CRYZL1: variants seen among roughly 807,000 people sequenced by gnomAD.
CRYZL1 encodes the protein ferry endosomal RAB5 effector complex subunit 4.
A neutral mutation model predicts 50.6 loss-of-function variants in CRYZL1; 34 were observed. That is an observed-to-expected ratio of 0.67 (90% CI 0.51 to 0.89). CRYZL1 has a LOEUF of 0.89. Among genes scored for constraint, CRYZL1 ranks in the 40% least tolerant of loss-of-function variants. The pLI, the probability that CRYZL1 is intolerant of heterozygous loss-of-function variation, is 0.00. For synonymous variants in CRYZL1, 125 were observed against 134.3 expected, an observed-to-expected ratio of 0.93 and a Z score of 0.48; for missense variants, 354 against 402.3, an observed-to-expected ratio of 0.88 and a Z score of 1.03.
intron 6 of CRYZL1, among the ~76,000 whole-genome samples, chr21:33,603,798 T>G (rs2086781327): frequency 6.6e-6 from 1 of 152,240 alleles, no homozygotes; most frequent in South Asian, 2.1e-4. Flanking sequence ...TATAGCTGGA[T>G]GAATAAATAT....
In CRYZL1 at chr21:33,597,264, T is replaced by A; in HGVS notation, c.798+16A>T. The A allele has an allele frequency of 1.2e-6, 2 of 1,612,684 alleles. No individual in the cohort carries two copies. Among genetic ancestry groups the A allele is most frequent in the Non-Finnish European group, 1.7e-6 (2 of 1,179,164 alleles). On this transcript the variant is annotated intron_variant, in intron 10 of 12. Transcript: ENST00000381554. The stretch of plus-strand genomic sequence containing the variant: ...CCTTTGGTGTAATGGTAACGCTTTA[T>A]GGTTTCTGATAGTACCTGAAGGTTT...
At chr21:33,593,755 T>C (rs542882451) in intron 11 of CRYZL1, among the ~76,000 whole-genome samples, 120 of 151,996 alleles carry the variant, frequency 7.9e-4, no homozygotes, top group African/African-American at 2.7e-3. Flanking sequence ...GGCTGAGGCG[T>C]GTGGATCACC....
chr21:33,593,554 C>T (rs1569080662), intron 11 of CRYZL1, among the ~76,000 whole-genome samples: 1 of 152,200 alleles, frequency 6.6e-6, no homozygotes. Flanking sequence ...TTCATATACA[C>T]ATGTCATGTT....
At chr21:33,595,561 C>T (rs984520414) in intron 11 of CRYZL1, 170 bp downstream of exon 11, 2 of 1,303,110 alleles carry the variant, frequency 1.5e-6, no homozygotes, top group Admixed American at 4.0e-5. Flanking sequence ...GTACTTACAT[C>T]TCAAAAGGCT....
At chr21:33,627,739 GTTTTTT>G (rs35217060) in intron 2 of CRYZL1, among the ~76,000 whole-genome samples, 2 of 84,362 alleles carry the variant, frequency 2.4e-5, no homozygotes, top group Non-Finnish European at 4.4e-5. Flanking sequence ...ATGAGACATG[GTTTTTT>G]TTTTTTTTTT....
intron 5 of CRYZL1, among the ~76,000 whole-genome samples, chr21:33,615,610 T>C (rs541562915): frequency 2.4e-4 from 36 of 152,314 alleles, no homozygotes; most frequent in South Asian, 8.3e-4. Context: ...TCATAGCCTA[T>C]GTTTGTGTGA....
chr21:33,600,928 A>AT (rs34485860), intron 8 of CRYZL1, among the ~76,000 whole-genome samples: 125,526 of 125,652 alleles, frequency 1, 62,700 homozygotes, highest in Middle Eastern at 1. Context: ...TGCCCGGTCC[A>AT]TAAAGTTTTT....
At chr21:33,631,353 G>A (rs1207213312) in intron 2 of CRYZL1, 133 bp downstream of exon 2, 1 of 525,038 alleles carries the variant, frequency 1.9e-6, no homozygotes, top group Non-Finnish European at 3.2e-6. Flanking sequence ...TTAAAGGAAA[G>A]TACTGTAATT....
chr21:33,595,668 T>C (rs1601325486), intron 11 of CRYZL1, 63 bp downstream of exon 11: 1 of 1,602,042 alleles, frequency 6.2e-7, no homozygotes, highest in East Asian at 2.2e-5. Context: ...ATTATCGTAA[T>C]GAAAGAACTT....
At chr21:33,603,977 G>C (rs546561432) in intron 6 of CRYZL1, among the ~76,000 whole-genome samples, 1 of 152,170 alleles carries the variant, frequency 6.6e-6, no homozygotes, top group African/African-American at 2.4e-5. Flanking sequence ...TCCTGGCCTG[G>C]CGTGGTGGCT....
chr21:33,617,024 ATT>A, intron 4 of CRYZL1: 1 of 199,820 alleles, frequency 5.0e-6, no homozygotes, highest in Non-Finnish European at 1.0e-5. Context: ...GACTTTATTC[ATT>A]TTTTTTTTGA....
At chr21:33,621,342 T>G (rs1437496080) in intron 4 of CRYZL1, among the ~76,000 whole-genome samples, 1 of 151,262 alleles carries the variant, frequency 6.6e-6, no homozygotes, top group Non-Finnish European at 1.5e-5. Flanking sequence ...TTTTTTCAAA[T>G]TAATAGATTT....
At position 33,595,511 on chromosome 21, in the gene CRYZL1, G is replaced by A. The variant is rs1287017075; in HGVS notation, c.904+220C>T. 12 of 1,283,064 alleles carry A rather than the reference G, an allele frequency of 9.4e-6. No individual in the cohort carries two copies. The South Asian group carries it at 1.5e-4, about 16-fold the overall frequency. The allele number at this position is 1,283,064 out of a possible 1,614,324, so 79.5% of individuals were successfully genotyped here. ...TCCTTGAGTCTGTATCAACATCTCTGTGCTTCTGTTTCTTCACCTGTGAAA... is the reference window on the plus strand; with the variant it reads ...TCCTTGAGTCTGTATCAACATCTCTATGCTTCTGTTTCTTCACCTGTGAAA... On this transcript the variant is annotated intron_variant, in intron 11 of 12. Transcript: ENST00000381554.
intron 1 of CRYZL1, among the ~76,000 whole-genome samples, chr21:33,635,601 G>A (rs2087197231): frequency 6.6e-6 from 1 of 151,504 alleles, no homozygotes; most frequent in Admixed American, 6.6e-5. Flanking sequence ...TGATCCGCCT[G>A]CCTCGGCCTC....
At chr21:33,631,586 A>G in intron 1 of CRYZL1, 29 bp from the exon 2 acceptor site, 1 of 1,358,430 alleles carries the variant, frequency 7.4e-7, no homozygotes, top group Non-Finnish European at 9.7e-7. Flanking sequence ...AAATGAAATA[A>G]AATAACAAGT....
At chr21:33,591,437 C>CT in intron 11 of CRYZL1, 1 of 569,382 alleles carries the variant, frequency 1.8e-6, no homozygotes, top group Non-Finnish European at 3.1e-6. Context: ...GGACAAGTGA[C>CT]AAGAGCAGCA....
chr21:33,600,937 T>TTTTTG (rs2086747767), intron 8 of CRYZL1, among the ~76,000 whole-genome samples: 1 of 101,092 alleles, frequency 9.9e-6, no homozygotes. Context: ...CATAAAGTTT[T>TTTTTG]TTTTTTTTTT....
rs775432984 is a variant in CRYZL1, at chr21:33,603,554, G to A, written c.332-17C>T. ...GTTTATGAACTATCATAAAGAACAA[G>A]AAGAAACAATCTGTTAGCAAGTCCC... On this transcript the variant is annotated splice_polypyrimidine_tract_variant and intron_variant, in intron 6 of 12. Coordinates refer to ENST00000381554, the MANE Select transcript of CRYZL1 (RefSeq NM_145858.3). 1.2e-6 allele frequency: 2 copies of A among 1,613,492 alleles called. No individual in the cohort carries two copies. The highest frequency in any genetic ancestry group is 1.3e-5 in the African/African-American group (1 of 75,018).
Position 33,621,542 on chromosome 21 carries a change from C to T in CRYZL1, c.217+454G>A, listed in dbSNP as rs528644673. Among the ~76,000 whole-genome samples, 880 of 151,824 alleles carry T rather than the reference C, an allele frequency of 5.8e-3. 24 individuals carry two copies. The highest frequency in any genetic ancestry group is 1.4e-3 in the Non-Finnish European group (96 of 67,956). On this transcript the variant is annotated intron_variant, in intron 4 of 12. Transcript: ENST00000381554. The stretch of plus-strand genomic sequence containing the variant: ...ATTTTTAGTAGTGACGGGGTTTCAC[C>T]GTGTTAGCCAGGATGGTCTCGATCT...
Sources: gnomAD v4.1 joint callset for allele counts (sites outside exome capture counted in the v4.1 genomes callset) on GRCh38, gnomAD v4.1.1 for gene constraint, MANE v1.5 for transcripts, NCBI Gene and HGNC (gene_info 2026-07-23, HGNC 2026-07-21) for gene names.